The following KCNIP4 variants were observed in gnomAD, a reference collection of about 807,000 sequenced individuals.
KCNIP4 encodes the protein potassium voltage-gated channel interacting protein 4, also known as Kv channel-interacting protein 4.
In KCNIP4, 12 loss-of-function variants were observed where a neutral mutation model predicts 34.0. The ratio of observed to expected loss-of-function variants is 0.35; its 90% CI spans 0.23 to 0.57. The LOEUF is 0.57. KCNIP4 is among the 20% of genes least tolerant of loss of function. The probability of loss-of-function intolerance (pLI) is 0.83; values close to 1 mark genes in which losing one functional copy is unlikely to be tolerated. For missense variants in KCNIP4, 238 were observed against 311.7 expected (o/e 0.76, Z 1.78); for synonymous variants, 124 against 102.2 (o/e 1.21, Z -1.29).
intron 1 of KCNIP4, among the ~76,000 whole-genome samples, chr4:21,749,044 A>T (rs1462004495): frequency 6.6e-6 from 1 of 152,212 alleles, no homozygotes; most frequent in African/African-American, 2.4e-5. Context: ...TAGGTGTACC[A>T]TTCAGAATAT....
chr4:21,609,859 G>A (rs563025289), intron 1 of KCNIP4, among the ~76,000 whole-genome samples: 135 of 152,174 alleles, frequency 8.9e-4, no homozygotes, highest in Non-Finnish European at 1.7e-3. Flanking sequence ...ACTCACAAAT[G>A]TTTGTAAGAT....
intron 2 of KCNIP4, among the ~76,000 whole-genome samples, chr4:20,851,744 C>T (rs78264471): frequency 0.053 from 8,144 of 152,228 alleles, 331 homozygotes; most frequent in African/African-American, 0.11. Flanking sequence ...CACAAATAGT[C>T]CAACCTGGAA....
chr4:21,697,687 T>C (rs1286380380), intron 1 of KCNIP4: 10 of 1,252,510 alleles, frequency 8.0e-6, no homozygotes, highest in Non-Finnish European at 8.9e-6. Flanking sequence ...GGTGACCAAG[T>C]TCTTCTGTGG....
intron 1 of KCNIP4, among the ~76,000 whole-genome samples, chr4:21,267,010 G>A (rs1761855783): frequency 6.6e-6 from 1 of 152,174 alleles, no homozygotes; most frequent in Non-Finnish European, 1.5e-5. Context: ...GATGACAGCT[G>A]CTATAATGTA....
At chr4:20,850,868 C>T in intron 2 of KCNIP4, 1 of 461,912 alleles carries the variant, frequency 2.2e-6, no homozygotes, top group Admixed American at 3.8e-5. Flanking sequence ...GATTTTTTTG[C>T]ATATTCTTGT....
intron 1 of KCNIP4, among the ~76,000 whole-genome samples, chr4:21,872,762 G>A (rs542817681): frequency 3.4e-4 from 52 of 152,186 alleles, no homozygotes; most frequent in African/African-American, 1.2e-3. Flanking sequence ...GAGATGTACT[G>A]GCAAATATTT....
intron 1 of KCNIP4, among the ~76,000 whole-genome samples, chr4:21,141,726 A>C (rs1751966117): frequency 6.6e-6 from 1 of 152,202 alleles, no homozygotes; most frequent in African/African-American, 2.4e-5. Flanking sequence ...TTTCAATGTA[A>C]AAGAAATGAT....
chr4:21,218,713 T>C (rs1757787686), intron 1 of KCNIP4, among the ~76,000 whole-genome samples: 1 of 152,182 alleles, frequency 6.6e-6, no homozygotes, highest in Admixed American at 6.6e-5. Context: ...GGCCCATAGA[T>C]TCATCTAGAA....
At chr4:21,154,450 A>G (rs923210171) in intron 1 of KCNIP4, among the ~76,000 whole-genome samples, 3 of 152,130 alleles carry the variant, frequency 2.0e-5, no homozygotes, top group Admixed American at 1.3e-4. Flanking sequence ...CCCAGCTCTT[A>G]TGTTATAGCA....
chr4:20,838,484 C>T (rs149201781), intron 3 of KCNIP4, among the ~76,000 whole-genome samples: 1,711 of 152,252 alleles, frequency 0.011, 22 homozygotes, highest in African/African-American at 0.03. Context: ...TGATATTTAG[C>T]CAGAAACTAC....
chr4:21,040,006 C>A (rs1427694867), intron 1 of KCNIP4, among the ~76,000 whole-genome samples: 2 of 152,084 alleles, frequency 1.3e-5, no homozygotes, highest in African/African-American at 2.4e-5. Context: ...TCTTACATGG[C>A]GGCAGGTGAG....
chr4:21,211,846 G>C lies in KCNIP4; in HGVS notation c.62-329137C>G, dbSNP rs575949780. Among the ~76,000 whole-genome samples, 10 of 151,912 alleles carry C rather than the reference G, an allele frequency of 6.6e-5. No homozygotes were observed. The East Asian group carries it at 1.7e-3, about 26-fold the overall frequency. ...TGCCCAAATCAGGGCATAAATAGTA[G>C]AGTCAGCTGCATCCTAGATTTTCTC... On this transcript the variant is annotated intron_variant, in intron 1 of 8. Transcript: ENST00000382152.
intron 1 of KCNIP4, among the ~76,000 whole-genome samples, chr4:21,176,847 T>C (rs547484759): frequency 1.3e-5 from 2 of 152,292 alleles, no homozygotes; most frequent in South Asian, 4.1e-4. Flanking sequence ...AGCTCCTTCC[T>C]AGGACATCAA....
intron 2 of KCNIP4, among the ~76,000 whole-genome samples, chr4:20,871,390 G>T (rs573272840): frequency 7.2e-5 from 11 of 151,968 alleles, no homozygotes; most frequent in South Asian, 6.3e-4. Flanking sequence ...AACTCAATGT[G>T]ATCACTAAGG....
chr4:20,845,847 AC>A (rs1270882666), intron 3 of KCNIP4, among the ~76,000 whole-genome samples: 18 of 152,110 alleles, frequency 1.2e-4, no homozygotes, highest in Non-Finnish European at 2.5e-4. Context: ...TCTGCCAACA[AC>A]CACAGGAGCT....
At chr4:21,757,163 G>GA (rs1274103811) in intron 1 of KCNIP4, among the ~76,000 whole-genome samples, 1 of 52,992 alleles carries the variant, frequency 1.9e-5, no homozygotes, top group African/African-American at 7.4e-5. Context: ...AAGAAAGAAA[G>GA]AAAGAAGGAA....
chr4:21,205,296 C>A (rs978160097), intron 1 of KCNIP4, among the ~76,000 whole-genome samples: 3 of 152,124 alleles, frequency 2.0e-5, no homozygotes, highest in African/African-American at 4.8e-5. Context: ...ATCTTTATAT[C>A]TTTTTTCCTC....
intron 1 of KCNIP4, chr4:21,609,000 G>A (rs549155621): frequency 1.3e-5 from 2 of 152,248 alleles, no homozygotes; most frequent in South Asian, 2.1e-4. Context: ...CCAGCCAAAG[G>A]TGATCCATTT....
chr4:21,263,509 G>T (rs898460368), intron 1 of KCNIP4, among the ~76,000 whole-genome samples: 1 of 152,124 alleles, frequency 6.6e-6, no homozygotes, highest in Non-Finnish European at 1.5e-5. Flanking sequence ...CTTCAAAGTA[G>T]AGGGCCAAAT....
Sources: allele counts gnomAD v4.1 joint callset (sites outside exome capture counted in the v4.1 genomes callset), GRCh38; gene constraint gnomAD v4.1.1; transcripts MANE v1.5; gene names NCBI Gene and HGNC (gene_info 2026-07-23, HGNC 2026-07-21).